Variants in TBC1D12 observed in about 807,000 individuals in gnomAD.
The protein encoded by TBC1D12 is TBC1 domain family, member 12.
TBC1D12 carries 56 observed loss-of-function variants against 86.7 expected under a neutral mutation model. The observed-to-expected ratio is 0.65, with a 90% CI of 0.52 to 0.81. The LOEUF is 0.81. Ranked by LOEUF, TBC1D12 falls within the 30% of genes least tolerant of loss-of-function variation. The pLI, the probability that TBC1D12 is intolerant of heterozygous loss-of-function variation, is 0.00. For missense variants in TBC1D12, 1,023 were observed against 1,038.8 expected (o/e 0.98, Z 0.21); for synonymous variants, 421 against 411.7 (o/e 1.02, Z -0.27).
At chr10:94,465,887 T>C (rs1564960704) in intron 2 of TBC1D12, among the ~76,000 whole-genome samples, 5 of 151,120 alleles carry the variant, frequency 3.3e-5, no homozygotes, top group African/African-American at 1.2e-4. Context: ...CATGTATGTA[T>C]ATACATACAT....
chr10:94,492,755 G>T (rs185582049), intron 3 of TBC1D12, among the ~76,000 whole-genome samples: 2 of 152,206 alleles, frequency 1.3e-5, no homozygotes. Context: ...TTTGTGAGGG[G>T]TACCACAAGG....
chr10:94,431,669 A>G (rs185466519), intron 1 of TBC1D12, among the ~76,000 whole-genome samples: 137 of 152,292 alleles, frequency 9.0e-4, no homozygotes, highest in African/African-American at 2.6e-3. Context: ...TTGTGTGACT[A>G]CAGTTGGCCT....
rs1053890646 is a variant in TBC1D12, at chr10:94,403,150, C to T, written c.537C>T (p.Asp179=). 4 of 1,428,378 alleles carry T rather than the reference C, an allele frequency of 2.8e-6. No homozygotes were observed. In the African/African-American group the frequency reaches 6.0e-5, roughly 21 times the overall value. The allele number at this position is 1,428,378 out of a possible 1,614,324, so 88.5% of individuals were successfully genotyped here. A position where few individuals can be genotyped will look rare whatever the true frequency, so the allele number is the denominator to read the frequency against. ...GCCTTCGCCTGGAGGGGCCTGGCGA[C>T]GAGGACGCGGACGGCGCGGGAAGCC... is the stretch of plus-strand genomic sequence containing the variant. ...YGRLRLEGPG[D]EDADGAGSPS... The change falls in exon 1 of 13, where the codon GAC becomes GAT. Residue 179 remains aspartate (D), a synonymous_variant. Transcript: ENST00000225235.
chr10:94,476,449 T>G (rs1182200155), intron 3 of TBC1D12, among the ~76,000 whole-genome samples: 1 of 152,222 alleles, frequency 6.6e-6, no homozygotes, highest in African/African-American at 2.4e-5. Flanking sequence ...TGTGAAATTT[T>G]ATTTCAGACT....
At position 94,416,389 on chromosome 10, in the gene TBC1D12, G is replaced by A. The variant is rs76746797; in HGVS notation, c.971+12805G>A. On this transcript the variant is annotated intron_variant, in intron 1 of 12. Coordinates refer to ENST00000225235, the MANE Select transcript of TBC1D12 (RefSeq NM_015188.2). ...ACAGAGCCTATTGAGGGTATTAGTT[G>A]TTAGAAGGTTCTATGTTGAAGTACA... 2.5e-3 allele frequency among the ~76,000 whole-genome samples: 381 copies of A among 152,274 alleles called. 10 individuals carry two copies. In the East Asian group the frequency reaches 0.06, roughly 24 times the overall value.
At chr10:94,442,062 GCAT>G (rs771849674) in intron 2 of TBC1D12, 43 bp downstream of exon 2, 11 of 1,497,642 alleles carry the variant, frequency 7.3e-6, no homozygotes, top group African/African-American at 1.5e-5. Flanking sequence ...AGCTTTTCAA[GCAT>G]TCTTCTTCTT....
chr10:94,529,496 T>C (rs1398483961), intron 11 of TBC1D12, among the ~76,000 whole-genome samples: 3 of 152,076 alleles, frequency 2.0e-5, no homozygotes, highest in African/African-American at 7.2e-5. Flanking sequence ...TCCATACCTG[T>C]AGTCACAGCT....
At chr10:94,449,377 C>T (rs947264778) in intron 2 of TBC1D12, among the ~76,000 whole-genome samples, 15 of 152,056 alleles carry the variant, frequency 9.9e-5, no homozygotes, top group African/African-American at 3.1e-4. Flanking sequence ...TGCTTTGCCC[C>T]GAGACTGCAA....
At chr10:94,499,701 C>T (rs1027525732) in intron 5 of TBC1D12, among the ~76,000 whole-genome samples, 1 of 152,158 alleles carries the variant, frequency 6.6e-6, no homozygotes, top group African/African-American at 2.4e-5. Context: ...TGTATTTTTA[C>T]TCCCATTTAT....
At chr10:94,441,125 G>A (rs1365517452) in intron 1 of TBC1D12, among the ~76,000 whole-genome samples, 1 of 151,724 alleles carries the variant, frequency 6.6e-6, no homozygotes, top group Non-Finnish European at 1.5e-5. Flanking sequence ...TGGGATTACA[G>A]GTGTGAGCCA....
intron 5 of TBC1D12, among the ~76,000 whole-genome samples, chr10:94,498,818 G>C (rs11815836): frequency 3.4e-4 from 51 of 151,964 alleles, no homozygotes; most frequent in African/African-American, 1.2e-3. Flanking sequence ...GCCCAGGCTG[G>C]GGTGTAGTGG....
chr10:94,496,364 G>A (rs1336971068), intron 4 of TBC1D12, among the ~76,000 whole-genome samples: 1 of 152,016 alleles, frequency 6.6e-6, no homozygotes, highest in Non-Finnish European at 1.5e-5. Context: ...GAATCTAAGA[G>A]ATGTACTGTT....
intron 11 of TBC1D12, among the ~76,000 whole-genome samples, chr10:94,528,728 A>G (rs1289856582): frequency 2.0e-5 from 3 of 151,878 alleles, no homozygotes; most frequent in Non-Finnish European, 4.4e-5. Context: ...AGGCTGAGGC[A>G]TGAGAATCTC....
At chr10:94,430,940 TTAG>T (rs1306054914) in intron 1 of TBC1D12, among the ~76,000 whole-genome samples, 2 of 152,292 alleles carry the variant, frequency 1.3e-5, no homozygotes, top group African/African-American at 4.8e-5. Flanking sequence ...TGGACACAAA[TTAG>T]TAGAGAGAAT....
At chr10:94,484,328 A>G (rs923065399) in intron 3 of TBC1D12, among the ~76,000 whole-genome samples, 5 of 146,636 alleles carry the variant, frequency 3.4e-5, no homozygotes, top group African/African-American at 1.3e-4. Context: ...GCTCACCGCA[A>G]CCTCCACCTC....
chr10:94,495,942 A>C (rs2134181000), intron 4 of TBC1D12, among the ~76,000 whole-genome samples: 1 of 152,174 alleles, frequency 6.6e-6, no homozygotes, highest in Admixed American at 6.5e-5. Context: ...TCTCTACTAA[A>C]AATACAAAAA....
chr10:94,486,192 G>C (rs1020228724), intron 3 of TBC1D12, among the ~76,000 whole-genome samples: 6 of 134,638 alleles, frequency 4.5e-5, no homozygotes, highest in African/African-American at 1.4e-4. Context: ...TTGTCACCCA[G>C]GCTGGAGTAC....
intron 2 of TBC1D12, among the ~76,000 whole-genome samples, chr10:94,444,084 C>CT: frequency 6.6e-6 from 1 of 151,068 alleles, no homozygotes; most frequent in African/African-American, 2.4e-5. Context: ...ACAGGAGAAT[C>CT]GCTTGAACCT....
At chr10:94,531,105 C>T in intron 11 of TBC1D12, 97 bp from the exon 12 acceptor site, 3 of 1,369,514 alleles carry the variant, frequency 2.2e-6, no homozygotes, top group East Asian at 2.3e-5. Context: ...CCTTCTTATC[C>T]CTAATTAAAC....
Sources: allele counts gnomAD v4.1 joint callset (sites outside exome capture counted in the v4.1 genomes callset), GRCh38; gene constraint gnomAD v4.1.1; transcripts MANE v1.5; gene names NCBI Gene and HGNC (gene_info 2026-07-23, HGNC 2026-07-21).